The following ADAMTSL3 variants were observed in gnomAD, a reference collection of about 807,000 sequenced individuals.
The protein encoded by ADAMTSL3 is ADAMTS like 3, also known as ADAMTS-like protein 3.
A neutral mutation model predicts 201.7 loss-of-function variants in ADAMTSL3; 128 were observed. The observed-to-expected ratio is 0.63, with a 90% CI of 0.55 to 0.73. ADAMTSL3 has a LOEUF of 0.73. Ranked by LOEUF, ADAMTSL3 falls within the 30% of genes least tolerant of loss-of-function variation. ADAMTSL3 has a pLI of 0.00. For synonymous variants in ADAMTSL3, 738 were observed against 748.4 expected (o/e 0.99, Z 0.23); for missense variants, 1,990 against 2,119.6 (o/e 0.94, Z 1.20).
intron 2 of ADAMTSL3, among the ~76,000 whole-genome samples, chr15:83,691,379 A>C (rs2061605481): frequency 6.6e-6 from 1 of 152,158 alleles, no homozygotes; most frequent in Non-Finnish European, 1.5e-5. Context: ...TAAGACCTGG[A>C]GACCTGAAAG....
At chr15:83,921,818 G>A (rs1480907820) in intron 16 of ADAMTSL3, among the ~76,000 whole-genome samples, 2 of 151,204 alleles carry the variant, frequency 1.3e-5, no homozygotes, top group African/African-American at 4.9e-5. Context: ...CCGAGTAGCT[G>A]GGACTATAGG....
At chr15:83,783,017 A>G (rs944338676) in intron 4 of ADAMTSL3, among the ~76,000 whole-genome samples, 3 of 147,914 alleles carry the variant, frequency 2.0e-5, no homozygotes, top group African/African-American at 7.4e-5. Context: ...ATATATACAT[A>G]TATACGTATA....
At chr15:83,907,099 A>G (rs1383173875) in intron 15 of ADAMTSL3, among the ~76,000 whole-genome samples, 1 of 40,426 alleles carries the variant, frequency 2.5e-5, no homozygotes, top group Non-Finnish European at 4.3e-5. Context: ...GTCTCTGGGA[A>G]AAAAAAAAAA....
intron 7 of ADAMTSL3, among the ~76,000 whole-genome samples, chr15:83,846,387 C>T (rs2064498248): frequency 6.6e-6 from 1 of 152,300 alleles, no homozygotes; most frequent in East Asian, 1.9e-4. Context: ...TGGTTCTGAC[C>T]TCAGAGTTCA....
intron 9 of ADAMTSL3, among the ~76,000 whole-genome samples, chr15:83,874,198 T>C (rs2065135568): frequency 1.4e-5 from 2 of 144,134 alleles, no homozygotes; most frequent in Admixed American, 6.8e-5. Context: ...ATGAAATTCA[T>C]GATGGTGGTT....
chr15:83,948,551 G>A (rs1252388731), intron 19 of ADAMTSL3, among the ~76,000 whole-genome samples: 1 of 152,052 alleles, frequency 6.6e-6, no homozygotes. Context: ...TAAGAAACTT[G>A]GTTGGGCTTC....
chr15:83,910,012 TTCTC>T (rs1482838969), intron 15 of ADAMTSL3, among the ~76,000 whole-genome samples: 1 of 152,078 alleles, frequency 6.6e-6, no homozygotes, highest in Non-Finnish European at 1.5e-5. Context: ...CAGCTTCTCT[TTCTC>T]TCTCTCTCAA....
chr15:83,737,626 G>A (rs935818172), intron 3 of ADAMTSL3, among the ~76,000 whole-genome samples: 1 of 152,202 alleles, frequency 6.6e-6, no homozygotes, highest in African/African-American at 2.4e-5. Flanking sequence ...GTCTCGGGCA[G>A]TTCTTTATAG....
intron 16 of ADAMTSL3, among the ~76,000 whole-genome samples, chr15:83,917,459 A>C (rs200513223): frequency 2.2e-5 from 3 of 136,444 alleles, no homozygotes; most frequent in Non-Finnish European, 4.9e-5. Flanking sequence ...ATGTATGTAT[A>C]TGTATGTATG....
chr15:83,901,643 G>A (rs1310994035), intron 15 of ADAMTSL3, among the ~76,000 whole-genome samples: 1 of 152,162 alleles, frequency 6.6e-6, no homozygotes, highest in African/African-American at 2.4e-5. Context: ...TGTGTTTGTT[G>A]TTTTTCATTT....
chr15:83,774,878 T>C (rs2063045184), intron 4 of ADAMTSL3, among the ~76,000 whole-genome samples: 1 of 150,302 alleles, frequency 6.7e-6, no homozygotes, highest in African/African-American at 2.5e-5. Flanking sequence ...AGATGGAGTC[T>C]CACTCTTGCC....
At chr15:84,004,634 G>A (rs951834231) in intron 23 of ADAMTSL3, among the ~76,000 whole-genome samples, 1 of 152,144 alleles carries the variant, frequency 6.6e-6, no homozygotes, top group Non-Finnish European at 1.5e-5. Flanking sequence ...TAAAAGCGGG[G>A]GCTAAATGGT....
intron 5 of ADAMTSL3, among the ~76,000 whole-genome samples, chr15:83,812,913 G>A (rs976410122): frequency 1.3e-5 from 2 of 152,192 alleles, no homozygotes; most frequent in Non-Finnish European, 2.9e-5. Flanking sequence ...TTACAGAGGA[G>A]ATTTAAGTAA....
intron 3 of ADAMTSL3, among the ~76,000 whole-genome samples, chr15:83,713,479 G>A (rs548832222): frequency 3.2e-4 from 49 of 152,286 alleles, no homozygotes; most frequent in East Asian, 5.8e-4. Flanking sequence ...TATAAGAATG[G>A]GGAGTAATGG....
At chr15:83,914,684 G>A (rs1338407459) in intron 16 of ADAMTSL3, among the ~76,000 whole-genome samples, 1 of 152,190 alleles carries the variant, frequency 6.6e-6, no homozygotes, top group African/African-American at 2.4e-5. Context: ...CTCTGGTTTA[G>A]TTGAACCTTA....
At chr15:83,689,916 ATTG>A (rs945954492) in intron 2 of ADAMTSL3, among the ~76,000 whole-genome samples, 11 of 151,978 alleles carry the variant, frequency 7.2e-5, no homozygotes, top group African/African-American at 2.7e-4. Flanking sequence ...TTGTGGTTGT[ATTG>A]TTTTCTTTAT....
chr15:84,033,677 A>G (rs1025034922), intron 28 of ADAMTSL3, among the ~76,000 whole-genome samples: 2 of 152,108 alleles, frequency 1.3e-5, no homozygotes, highest in Admixed American at 6.6e-5. Flanking sequence ...AAACCAAAAA[A>G]CAAACAAAAA....
intron 19 of ADAMTSL3, among the ~76,000 whole-genome samples, chr15:83,949,066 TA>T (rs2066711646): frequency 6.6e-6 from 1 of 152,188 alleles, no homozygotes; most frequent in South Asian, 2.1e-4. Flanking sequence ...TGTTTTTGGA[TA>T]TAGTCTCCCT....
intron 2 of ADAMTSL3, chr15:83,694,323 C>CCCTCA (rs1369047136): frequency 2.0e-5 from 3 of 152,186 alleles, no homozygotes; most frequent in Non-Finnish European, 4.4e-5. Flanking sequence ...ACGGTGTCAC[C>CCCTCA]CCTCACCGAG....
Sources: allele counts gnomAD v4.1 joint callset (sites outside exome capture counted in the v4.1 genomes callset), GRCh38; gene constraint gnomAD v4.1.1; transcripts MANE v1.5; gene names NCBI Gene and HGNC (gene_info 2026-07-23, HGNC 2026-07-21).